ERBB4: variants seen among roughly 807,000 people sequenced by gnomAD.
ERBB4 encodes erb-b2 receptor tyrosine kinase 4.
Under a neutral mutation model 158.0 loss-of-function variants are expected in ERBB4, and 42 were observed. That is an observed-to-expected ratio of 0.27 (90% CI 0.21 to 0.34). The LOEUF is 0.34. Among genes scored for constraint, ERBB4 ranks in the 10% least tolerant of loss-of-function variants. The pLI, the probability that ERBB4 is intolerant of heterozygous loss-of-function variation, is 1.00. For synonymous variants in ERBB4, 583 were observed against 558.7 expected (o/e 1.04, Z -0.61); for missense variants, 1,333 against 1,624.1 (o/e 0.82, Z 3.08).
chr2:212,077,406 TTATGA>T (rs1317710491), intron 2 of ERBB4, among the ~76,000 whole-genome samples: 1 of 151,956 alleles, frequency 6.6e-6, no homozygotes, highest in Non-Finnish European at 1.5e-5. Flanking sequence ...GATAAATAAA[TTATGA>T]TATATTTGTT....
chr2:212,039,546 G>A (rs1054272963), intron 2 of ERBB4, among the ~76,000 whole-genome samples: 1 of 152,112 alleles, frequency 6.6e-6, no homozygotes, highest in Non-Finnish European at 1.5e-5. Context: ...AAACTTTTGA[G>A]AACTTCTTAT....
chr2:211,535,291 G>C (rs2066614745), intron 20 of ERBB4, among the ~76,000 whole-genome samples: 2 of 151,934 alleles, frequency 1.3e-5, no homozygotes, highest in East Asian at 1.9e-4. Context: ...GGCGTTCCTG[G>C]AACTATATCT....
chr2:211,851,926 A>G (rs2077731276), intron 3 of ERBB4, among the ~76,000 whole-genome samples: 2 of 151,958 alleles, frequency 1.3e-5, no homozygotes, highest in African/African-American at 4.8e-5. Context: ...GAGTGCTTTT[A>G]TTAAGCCCAA....
intron 16 of ERBB4, among the ~76,000 whole-genome samples, chr2:211,644,717 G>A (rs1298976079): frequency 6.6e-6 from 1 of 151,906 alleles, no homozygotes; most frequent in African/African-American, 2.4e-5. Flanking sequence ...TGGACATCCA[G>A]CAGAAGATCT....
intron 19 of ERBB4, among the ~76,000 whole-genome samples, chr2:211,569,379 A>G (rs1559305094): frequency 6.6e-6 from 1 of 152,198 alleles, no homozygotes; most frequent in Non-Finnish European, 1.5e-5. Context: ...AGAACTTGCT[A>G]GGTGCCTAGC....
chr2:211,919,722 G>C (rs1214921296), intron 3 of ERBB4, among the ~76,000 whole-genome samples: 2 of 151,904 alleles, frequency 1.3e-5, no homozygotes, highest in Non-Finnish European at 2.9e-5. Context: ...TAGTGTTATG[G>C]CACCTCAGAA....
At chr2:211,783,829 C>CT (rs1168838114) in intron 4 of ERBB4, among the ~76,000 whole-genome samples, 7 of 152,012 alleles carry the variant, frequency 4.6e-5, no homozygotes, top group Admixed American at 2.0e-4. Context: ...CTAAAATTCT[C>CT]TTTTTTTTGT....
intron 2 of ERBB4, among the ~76,000 whole-genome samples, chr2:212,116,911 G>T (rs1011473547): frequency 6.6e-6 from 1 of 151,670 alleles, no homozygotes; most frequent in Non-Finnish European, 1.5e-5. Flanking sequence ...AGATTAAATG[G>T]TACTTAACCT....
At chr2:211,598,984 T>G (rs943724628) in intron 19 of ERBB4, among the ~76,000 whole-genome samples, 1 of 152,204 alleles carries the variant, frequency 6.6e-6, no homozygotes, top group Admixed American at 6.5e-5. Flanking sequence ...GCATCCACCC[T>G]CTCAGAACTT....
chr2:212,481,479 C>T (rs1689695612), intron 1 of ERBB4, among the ~76,000 whole-genome samples: 2 of 152,058 alleles, frequency 1.3e-5, no homozygotes, highest in Non-Finnish European at 2.9e-5. Context: ...TCTTTCTCTG[C>T]CAAATAAAAC....
At chr2:211,965,926 A>G (rs79309655) in intron 2 of ERBB4, among the ~76,000 whole-genome samples, 7 of 152,204 alleles carry the variant, frequency 4.6e-5, no homozygotes, top group Non-Finnish European at 8.8e-5. Flanking sequence ...AAATATTTCA[A>G]TATGGTTGGG....
intron 3 of ERBB4, among the ~76,000 whole-genome samples, chr2:211,864,638 T>C (rs1198229205): frequency 6.6e-6 from 1 of 152,150 alleles, no homozygotes; most frequent in African/African-American, 2.4e-5. Context: ...AGTGAATCCT[T>C]TTGAATCTCT....
chr2:212,440,378 C>T (rs900542055), intron 1 of ERBB4, among the ~76,000 whole-genome samples: 1 of 152,190 alleles, frequency 6.6e-6, no homozygotes, highest in African/African-American at 2.4e-5. Context: ...ATGCTTCCTG[C>T]CCTCAAACAT....
chr2:212,321,235 G>A (rs1248015331), intron 1 of ERBB4, among the ~76,000 whole-genome samples: 1 of 150,468 alleles, frequency 6.6e-6, no homozygotes, highest in African/African-American at 2.4e-5. Context: ...CTTATAAAGT[G>A]TAAAGTGATT....
chr2:212,451,072 T>C (rs1257209389), intron 1 of ERBB4, among the ~76,000 whole-genome samples: 2 of 152,150 alleles, frequency 1.3e-5, no homozygotes, highest in Non-Finnish European at 2.9e-5. Context: ...CTCCCTATTA[T>C]GAAGTAGAAA....
At chr2:212,423,537 C>T (rs1402977086) in intron 1 of ERBB4, among the ~76,000 whole-genome samples, 1 of 152,168 alleles carries the variant, frequency 6.6e-6, no homozygotes, top group Admixed American at 6.5e-5. Context: ...GTATGACACA[C>T]ATGTGCCTTA....
intron 25 of ERBB4, among the ~76,000 whole-genome samples, chr2:211,391,594 G>A (rs1489740469): frequency 6.6e-6 from 1 of 152,190 alleles, no homozygotes; most frequent in Non-Finnish European, 1.5e-5. Context: ...ATATCGCTGG[G>A]AGATTGTATG....
intron 14 of ERBB4, among the ~76,000 whole-genome samples, chr2:211,669,489 C>T (rs944080645): frequency 2.0e-5 from 3 of 152,126 alleles, no homozygotes; most frequent in African/African-American, 7.2e-5. Flanking sequence ...ATTTCCCAGG[C>T]TTGTCTTTCT....
At chr2:211,913,747 CTTA>C (rs1464107918) in intron 3 of ERBB4, among the ~76,000 whole-genome samples, 1 of 149,104 alleles carries the variant, frequency 6.7e-6, no homozygotes, top group Admixed American at 6.7e-5. Flanking sequence ...ATGGGCCTTT[CTTA>C]TTATTTGAAA....
Sources: gnomAD v4.1 joint callset for allele counts (sites outside exome capture counted in the v4.1 genomes callset) on GRCh38, gnomAD v4.1.1 for gene constraint, MANE v1.5 for transcripts, NCBI Gene and HGNC (gene_info 2026-07-23, HGNC 2026-07-21) for gene names.